TIMP3: variants seen among roughly 807,000 people sequenced by gnomAD.
The protein encoded by TIMP3 is TIMP metallopeptidase inhibitor 3, also known as metalloproteinase inhibitor 3.
In TIMP3, 11 loss-of-function variants were observed where a neutral mutation model predicts 30.0. The observed-to-expected ratio is 0.37, with a 90% confidence interval of 0.23 to 0.61. The LOEUF (loss-of-function observed/expected upper bound fraction) is 0.61. TIMP3 is among the 20% of genes least tolerant of loss of function. The pLI, the probability that TIMP3 is intolerant of heterozygous loss-of-function variation, is 0.70. For missense variants in TIMP3, 181 were observed against 276.8 expected (o/e 0.65, Z 2.45); for synonymous variants, 112 against 111.3 (o/e 1.01, Z -0.04).
At chr22:32,802,519 A>C (rs1761043871) in intron 1 of TIMP3, among the ~76,000 whole-genome samples, 1 of 152,108 alleles carries the variant, frequency 6.6e-6, no homozygotes, top group Non-Finnish European at 1.5e-5. Flanking sequence ...GTTAAAAAAA[A>C]AAAAAAAAGT....
rs1569244935 is a variant in TIMP3 at position 32,814,170 on chromosome 22, GAGAAAGAAAGAAAAGAA to G, written c.121+12062_121+12078del. On this transcript the variant is annotated intron_variant, in intron 1 of 4. Coordinates refer to ENST00000266085, the MANE Select transcript of TIMP3 (RefSeq NM_000362.5). ...AGAGAGAGAGAGAGAGAGAGAGAAA[GAGAAAGAAAGAAAAGAA>G]AGAAAGAAAGAAAGAAAGAAAACAA... is the stretch of plus-strand genomic sequence containing the variant. Among the ~76,000 whole-genome samples, 772 of 84,046 alleles carry G rather than the reference GAGAAAGAAAGAAAAGAA, an allele frequency of 9.2e-3. 11 individuals carry two copies. Among genetic ancestry groups the G allele is most frequent in the African/African-American group, 0.033 (664 of 20,350 alleles). The allele number at this position is 84,046 out of a possible 152,430, so 55.1% of individuals were successfully genotyped here.
At chr22:32,810,238 C>A (rs117533839) in intron 1 of TIMP3, among the ~76,000 whole-genome samples, 234 of 152,286 alleles carry the variant, frequency 1.5e-3, no homozygotes, top group Admixed American at 3.5e-3. Context: ...CCCAGAGAAC[C>A]TTTCCTGACC....
chr22:32,857,185 A>G, intron 2 of TIMP3, 64 bp from the exon 3 acceptor site: 2 of 1,239,204 alleles, frequency 1.6e-6, no homozygotes, highest in African/African-American at 3.0e-5. Context: ...CAGCAGTGGG[A>G]TTAGGGATCA....
intron 2 of TIMP3, among the ~76,000 whole-genome samples, chr22:32,852,746 T>G (rs923498781): frequency 5.3e-5 from 8 of 151,994 alleles, no homozygotes; most frequent in Non-Finnish European, 1.0e-4. Flanking sequence ...TATGTGTGTG[T>G]GTGTGAGGGA....
In TIMP3 at chr22:32,837,244, T is replaced by C. The variant is rs1209983816; in HGVS notation, c.122-12208T>C. On this transcript the variant is annotated intron_variant, in intron 1 of 4. Transcript: ENST00000266085. The surrounding 1 kb of genome is among the most constrained non-coding windows in gnomAD (Gnocchi z 4.1). ...AAGGGGCTGTGGTTGAAGACCATGC[T>C]GCTATTCTGGTGGCCACTTGTGTGG... 6.6e-6 allele frequency among the ~76,000 whole-genome samples: 1 copy of C among 152,232 alleles called. No homozygotes were observed. Among genetic ancestry groups the C allele is most frequent in the Admixed American group, 6.5e-5 (1 of 15,288 alleles).
In TIMP3 at chr22:32,805,778, A is replaced by C. The variant is rs114672546; in HGVS notation, c.121+3656A>C. On this transcript the variant is annotated intron_variant, in intron 1 of 4. Coordinates refer to ENST00000266085, the MANE Select transcript of TIMP3 (RefSeq NM_000362.5). ...TTATCAGTTATACCATGCTTCAAAA[A>C]CCTTTCAACTTTCATTGACACATGA... 8.2e-3 allele frequency among the ~76,000 whole-genome samples: 1,251 copies of C among 152,144 alleles called. 14 individuals are homozygous for C. The highest frequency in any genetic ancestry group is 0.028 in the African/African-American group (1,143 of 41,488).
At chr22:32,822,926 C>A (rs717625) in intron 1 of TIMP3, among the ~76,000 whole-genome samples, 4 of 130,194 alleles carry the variant, frequency 3.1e-5, no homozygotes, top group Non-Finnish European at 1.7e-5. Context: ...ACAACAACAA[C>A]AACAAAAAAA....
rs73158330 is a variant in TIMP3, at chr22:32,827,422, G to T, written c.122-22030G>T. ...GGAACACAGTTCCAAATACCCTGGT[G>T]CCAGTCCCTGCAAGCTCCTACTTGT... On this transcript the variant is annotated intron_variant, in intron 1 of 4. Transcript: ENST00000266085. Among the ~76,000 whole-genome samples the T allele has an allele frequency of 3.5e-3, 530 of 152,306 alleles. 4 individuals are homozygous for T. Among genetic ancestry groups the T allele is most frequent in the South Asian group, 5.2e-3 (25 of 4,828 alleles).
At chr22:32,844,052 CTAAG>C (rs953770840) in intron 1 of TIMP3, among the ~76,000 whole-genome samples, 1 of 152,088 alleles carries the variant, frequency 6.6e-6, no homozygotes, top group Non-Finnish European at 1.5e-5. Flanking sequence ...ACCTGGACTC[CTAAG>C]TTAGTATACA....
intron 1 of TIMP3, among the ~76,000 whole-genome samples, chr22:32,843,136 A>G (rs1023867453): frequency 6.6e-6 from 1 of 151,792 alleles, no homozygotes; most frequent in Non-Finnish European, 1.5e-5. Flanking sequence ...CCTGATCCTC[A>G]TTGTCCACAG....
At chr22:32,849,105 G>T (rs1362172761) in intron 1 of TIMP3, among the ~76,000 whole-genome samples, 4 of 152,152 alleles carry the variant, frequency 2.6e-5, no homozygotes, top group South Asian at 2.1e-4. Context: ...AAGGGAGGGG[G>T]GACAATGGCT....
intron 1 of TIMP3, among the ~76,000 whole-genome samples, chr22:32,845,331 G>A (rs964096296): frequency 6.6e-6 from 1 of 152,038 alleles, no homozygotes; most frequent in African/African-American, 2.4e-5. Flanking sequence ...CAAGTAGCTG[G>A]GACTACAGGC....
At chr22:32,816,483 C>G (rs2047091198) in intron 1 of TIMP3, among the ~76,000 whole-genome samples, 2 of 152,238 alleles carry the variant, frequency 1.3e-5, no homozygotes, top group Non-Finnish European at 2.9e-5. Flanking sequence ...CCTCTGTTAC[C>G]TTTACTTCTC....
chr22:32,803,131 T>TC (rs1177851862), intron 1 of TIMP3, among the ~76,000 whole-genome samples: 1 of 152,104 alleles, frequency 6.6e-6, no homozygotes, highest in Non-Finnish European at 1.5e-5. Flanking sequence ...AGCGTGCAAG[T>TC]CCAGTGGCTC....
chr22:32,807,397 A>T (rs2046790143), intron 1 of TIMP3, among the ~76,000 whole-genome samples: 1 of 105,870 alleles, frequency 9.4e-6, no homozygotes, highest in Non-Finnish European at 1.9e-5. Flanking sequence ...TATATATAAT[A>T]TATATATATT....
Position 32,802,012 on chromosome 22 carries a change from G to A in TIMP3, c.11G>A (p.Trp4Ter). The A allele has an allele frequency of 6.3e-7, 1 of 1,580,238 alleles. No homozygotes were observed. The highest frequency in any genetic ancestry group is 8.6e-7 in the Non-Finnish European group (1 of 1,168,774). The part of the protein sequence containing the change: MTP[W>*]LGLIVLLGSW... ...GCGGCAGCAGCGGCAATGACCCCTT[G>A]GCTCGGGCTCATCGTGCTCCTGGGC... Residue 4 changes from tryptophan (W) to a stop codon, truncating the protein, a stop_gained, in exon 1 of 5, where the codon TGG (tryptophan) becomes TAG (stop). Transcript: ENST00000266085. LOFTEE classifies it high-confidence loss of function.
chr22:32,826,929 G>C (rs2047431140), intron 1 of TIMP3, among the ~76,000 whole-genome samples: 1 of 152,202 alleles, frequency 6.6e-6, no homozygotes, highest in African/African-American at 2.4e-5. Flanking sequence ...CCTAGAGGCA[G>C]AGACAGGATT....
chr22:32,852,033 C>G (rs139510438), intron 2 of TIMP3, among the ~76,000 whole-genome samples: 32 of 152,352 alleles, frequency 2.1e-4, no homozygotes, highest in Non-Finnish European at 4.1e-4. Context: ...TATGATAAGA[C>G]TTGGCATCAG....
intron 1 of TIMP3, among the ~76,000 whole-genome samples, chr22:32,832,718 A>T (rs970246643): frequency 1.3e-5 from 2 of 151,610 alleles, no homozygotes; most frequent in African/African-American, 4.9e-5. Flanking sequence ...AATACTTAAC[A>T]TGAGATATAC....
Sources: allele counts gnomAD v4.1 joint callset (sites outside exome capture counted in the v4.1 genomes callset), GRCh38; gene constraint gnomAD v4.1.1; non-coding constraint Gnocchi (gnomAD v3.1); transcripts MANE v1.5; gene names NCBI Gene and HGNC (gene_info 2026-07-23, HGNC 2026-07-21).